TKFC: variants seen among roughly 807,000 people sequenced by gnomAD.
TKFC encodes triokinase and FMN cyclase.
TKFC carries 46 observed loss-of-function variants against 61.0 expected under a neutral mutation model. The observed-to-expected ratio is 0.75, with a 90% confidence interval of 0.60 to 0.96. TKFC has a LOEUF of 0.96. TKFC is among the 50% of genes least tolerant of loss of function. The probability of loss-of-function intolerance (pLI) is 0.00; values close to 1 mark genes in which losing one functional copy is unlikely to be tolerated. For synonymous variants in TKFC, 314 were observed against 330.1 expected (o/e 0.95, Z 0.53); for missense variants, 715 against 777.5 (o/e 0.92, Z 0.96).
In TKFC at chr11:61,347,472, G is replaced by A. The variant is rs189356061; in HGVS notation, c.*969G>A. 379 of 978,804 alleles carry A rather than the reference G, an allele frequency of 3.9e-4. No homozygotes were observed. Among genetic ancestry groups the A allele is most frequent in the Middle Eastern group, 3.7e-3 (7 of 1,906 alleles). 60.6% of individuals were successfully genotyped at this position (978,804 alleles called of 1,614,324 possible). ...GAGGATGGCTTGGGCCCAGGAGGTC[G>A]AGGCTGCGGTGAGCCATAAGCATGC... On this transcript the variant is annotated 3_prime_UTR_variant, in exon 18 of 18. Transcript: ENST00000394900.
chr11:61,348,043 C>T lies in TKFC; in HGVS notation c.*1540C>T. The T allele has an allele frequency of 1.0e-6, 1 of 985,446 alleles. No individual in the cohort carries two copies. The allele number at this position is 985,446 out of a possible 1,614,324, so 61.0% of individuals were successfully genotyped here. On this transcript the variant is annotated 3_prime_UTR_variant, in exon 18 of 18. Coordinates refer to ENST00000394900, the MANE Select transcript of TKFC (RefSeq NM_015533.4). ...GCTGCAGGCTCCCCGAGTGCCTGGGCTTCTCTACCCAGGGTCCTGTCTGTC... is the reference window on the plus strand; with the variant it reads ...GCTGCAGGCTCCCCGAGTGCCTGGGTTTCTCTACCCAGGGTCCTGTCTGTC...
Position 61,347,932 on chromosome 11 carries a change from C to A in TKFC, c.*1429C>A. 1 of 985,318 alleles carries A rather than the reference C, an allele frequency of 1.0e-6. No individual in the cohort carries two copies. Among genetic ancestry groups the A allele is most frequent in the Non-Finnish European group, 1.2e-6 (1 of 829,870 alleles). The allele number at this position is 985,318 out of a possible 1,614,324, so 61.0% of individuals were successfully genotyped here. A position where few individuals can be genotyped will look rare whatever the true frequency, so the allele number is the denominator to read the frequency against. On this transcript the variant is annotated 3_prime_UTR_variant, in exon 18 of 18. Transcript: ENST00000394900. ...TATCACAGGGGTTGGGCCCCCAGCC[C>A]CTCCCAGGTCATCTGCTCTACCACT...
intron 5 of TKFC, among the ~76,000 whole-genome samples, chr11:61,340,269 C>T (rs1179206300): frequency 6.6e-6 from 1 of 151,668 alleles, no homozygotes; most frequent in East Asian, 1.9e-4. Flanking sequence ...GCCTCGGCCT[C>T]CCAAAGTGCT....
downstream of TKFC, chr11:61,350,631 A>G: frequency 1.6e-6 from 1 of 634,088 alleles, no homozygotes; most frequent in Non-Finnish European, 2.7e-6. Context: ...GCTGGTCACC[A>G]GGCACCCATC....
chr11:61,338,670 G>A lies in TKFC; in HGVS notation c.194-396G>A, dbSNP rs181955759. Among the ~76,000 whole-genome samples, 433 of 152,280 alleles carry A rather than the reference G, an allele frequency of 2.8e-3. 1 individual carries two copies. Among genetic ancestry groups the A allele is most frequent in the Non-Finnish European group, 4.6e-3 (315 of 68,012 alleles). ...CTCATGAGCCCACTGTGTACCTGGC[G>A]CTGTACTGGGCACTAGGGATACCAG... On this transcript the variant is annotated intron_variant, in intron 3 of 17. Transcript: ENST00000394900.
At chr11:61,344,049 G>C in intron 12 of TKFC, 74 bp downstream of exon 12, 1 of 1,598,022 alleles carries the variant, frequency 6.3e-7, no homozygotes. Context: ...GCGGGTAGGG[G>C]CCCTGGCACC....
downstream of TKFC, chr11:61,350,327 G>A: frequency 6.4e-7 from 1 of 1,569,158 alleles, no homozygotes. Flanking sequence ...CGGGAGCCCT[G>A]GGAAGAGCAG....
chr11:61,352,078 A>G (rs1475011250), downstream of TKFC: 1 of 152,206 alleles, frequency 6.6e-6, no homozygotes, highest in Non-Finnish European at 1.5e-5. Flanking sequence ...AAGCAATGAA[A>G]TTAACTTGCC....
Position 61,348,375 on chromosome 11 carries a change from C to T in TKFC, c.*1872C>T. 1.0e-6 allele frequency: 1 copy of T among 985,246 alleles called. No homozygotes were observed. The highest frequency in any genetic ancestry group is 1.2e-6 in the Non-Finnish European group (1 of 829,912). 61.0% of individuals were successfully genotyped at this position (985,246 alleles called of 1,614,324 possible). A position where few individuals can be genotyped will look rare whatever the true frequency, so the allele number is the denominator to read the frequency against. On this transcript the variant is annotated 3_prime_UTR_variant, in exon 18 of 18. Coordinates refer to ENST00000394900, the MANE Select transcript of TKFC (RefSeq NM_015533.4). The stretch of plus-strand genomic sequence containing the variant: ...AGAGGATCATGTGGATCTTTGGTGC[C>T]TTCCGGTTGGCCCCTCCCTAGGTCT...
Position 61,343,971 on chromosome 11 carries a change from A to G in TKFC, c.1098A>G (p.Ala366=), listed in dbSNP as rs1221108652. ...AGGAGGCCCCTGATTCCACTGCTGCAGGAGGTACCAACCCCTGCCTTTGGG... is the reference window on the plus strand; with the variant it reads ...AGGAGGCCCCTGATTCCACTGCTGCGGGAGGTACCAACCCCTGCCTTTGGG... The part of the protein sequence containing the change: ...EPQEAPDSTA[A]GGSASKRMAL... Residue 366 remains alanine (A), a synonymous_variant, in exon 12 of 18, where the codon GCA becomes GCG. Coordinates refer to ENST00000394900, the MANE Select transcript of TKFC (RefSeq NM_015533.4). 8 of 1,610,960 alleles carry G rather than the reference A, an allele frequency of 5.0e-6. No homozygotes were observed. The highest frequency in any genetic ancestry group is 3.3e-4 in the Middle Eastern group (2 of 6,080).
chr11:61,352,685 C>T, downstream of TKFC: 1 of 650,448 alleles, frequency 1.5e-6, no homozygotes, highest in Non-Finnish European at 2.1e-6. Flanking sequence ...AAGAAAATGG[C>T]AATGACAACA....
chr11:61,348,391 C>T lies in TKFC; in HGVS notation c.*1888C>T. 2.0e-6 allele frequency: 2 copies of T among 985,032 alleles called. No homozygotes were observed. The highest frequency in any genetic ancestry group is 4.7e-5 in the South Asian group (1 of 21,274). 61.0% of individuals were successfully genotyped at this position (985,032 alleles called of 1,614,324 possible). Reference sequence around the variant, plus strand: ...CTTTGGTGCCTTCCGGTTGGCCCCTCCCTAGGTCTGTGAGGGTCAGACCTG... The same window carrying T: ...CTTTGGTGCCTTCCGGTTGGCCCCTTCCTAGGTCTGTGAGGGTCAGACCTG... On this transcript the variant is annotated 3_prime_UTR_variant, in exon 18 of 18. Transcript: ENST00000394900.
chr11:61,333,649 C>G (rs1318316781), intron 1 of TKFC: 1 of 152,222 alleles, frequency 6.6e-6, no homozygotes, highest in Non-Finnish European at 1.5e-5. Context: ...AAGGGCCCAC[C>G]GGTCTGCTTG....
In TKFC at chr11:61,348,265, G is replaced by A. The variant is rs370689766; in HGVS notation, c.*1762G>A. 2.1e-5 allele frequency: 21 copies of A among 985,150 alleles called. No homozygotes were observed. In the East Asian group the frequency reaches 6.8e-4, roughly 32 times the overall value. 61.0% of individuals were successfully genotyped at this position (985,150 alleles called of 1,614,324 possible). On this transcript the variant is annotated 3_prime_UTR_variant, in exon 18 of 18. Coordinates refer to ENST00000394900, the MANE Select transcript of TKFC (RefSeq NM_015533.4). ...TGAAATAGGAAAAATTTCCTTCCTC[G>A]TGAGATAAGCACGTGCCATTAGCTA... is the stretch of plus-strand genomic sequence containing the variant.
intron 3 of TKFC, among the ~76,000 whole-genome samples, chr11:61,338,499 C>T (rs1423582137): frequency 6.6e-6 from 1 of 152,162 alleles, no homozygotes; most frequent in African/African-American, 2.4e-5. Context: ...CTGCTGTGTC[C>T]CACTTGTGGA....
chr11:61,343,238 C>G, intron 10 of TKFC, 104 bp from the exon 11 acceptor site: 1 of 1,060,408 alleles, frequency 9.4e-7, no homozygotes, highest in Non-Finnish European at 1.4e-6. Context: ...GGACATCTCC[C>G]TCCCGACCTC....
chr11:61,342,922 C>T (rs912369643), intron 10 of TKFC, 78 bp downstream of exon 10: 20 of 1,394,528 alleles, frequency 1.4e-5, no homozygotes, highest in Middle Eastern at 1.8e-4. Flanking sequence ...GCAGAGAACA[C>T]GGACTGTGCG....
At chr11:61,343,496 C>T in intron 11 of TKFC, 38 bp downstream of exon 11, 2 of 1,584,334 alleles carry the variant, frequency 1.3e-6, no homozygotes, top group Non-Finnish European at 8.7e-7. Flanking sequence ...AGCCAGGGCT[C>T]CTTGTAACTG....
chr11:61,345,928 C>G lies in TKFC; in HGVS notation c.1557C>G (p.Val519=). ...WKSPGADLLQ[V]LTKAVKSAEA... ...GCCCAGGAGCTGATCTGTTACAAGT[C>G]CTGACCAAAGCAGTCAAGGTGAGTG... Residue 519 remains valine, a synonymous_variant, in exon 17 of 18, where the codon GTC becomes GTG. Transcript: ENST00000394900. 2 of 1,613,964 alleles carry G rather than the reference C, an allele frequency of 1.2e-6. No homozygotes were observed. Among genetic ancestry groups the G allele is most frequent in the Non-Finnish European group, 8.5e-7 (1 of 1,180,034 alleles).
Sources: gnomAD v4.1 joint callset for allele counts (sites outside exome capture counted in the v4.1 genomes callset) on GRCh38, gnomAD v4.1.1 for gene constraint, MANE v1.5 for transcripts, NCBI Gene and HGNC (gene_info 2026-07-23, HGNC 2026-07-21) for gene names.